FBXO9: variants seen among roughly 807,000 people sequenced by gnomAD.
FBXO9 encodes F-box only protein 9.
Under a neutral mutation model 63.7 loss-of-function variants are expected in FBXO9, and 43 were observed. The observed-to-expected ratio is 0.67, with a 90% CI of 0.53 to 0.87. The LOEUF is 0.87. Among genes scored for constraint, FBXO9 ranks in the 40% least tolerant of loss-of-function variants. The pLI is 0.00. For synonymous variants in FBXO9, 156 were observed against 171.7 expected (o/e 0.91, Z 0.72); for missense variants, 442 against 533.2 (o/e 0.83, Z 1.68).
chr6:53,068,839 G>A (rs774772502), intron 1 of FBXO9, among the ~76,000 whole-genome samples: 4 of 151,870 alleles, frequency 2.6e-5, no homozygotes, highest in African/African-American at 9.7e-5. Flanking sequence ...TTGTAGAGAC[G>A]GGGTCTTGCC....
rs980595769 is a variant in FBXO9 at position 53,069,897 on chromosome 6, T to A, written c.4-1160T>A. ...GTCATGAGTACTTAGGGATTAATTC[T>A]CTTTAAGTGTTTTTCTCATAAAAAG... On this transcript the variant is annotated intron_variant, in intron 1 of 12. Transcript: ENST00000323557. Among the ~76,000 whole-genome samples, 3 of 152,086 alleles carry A rather than the reference T, an allele frequency of 2.0e-5. No homozygotes were observed. The East Asian group carries it at 5.8e-4, about 29-fold the overall frequency.
chr6:53,078,791 T>C lies in FBXO9; in HGVS notation c.308-8T>C, dbSNP rs750676838. ...TCACAGCTAATTTAGCTTTATTTCT[T>C]CTTTTAGCCATCAAGTTTTATCGTA... On this transcript the variant is annotated splice_polypyrimidine_tract_variant and splice_region_variant and intron_variant, in intron 4 of 12. Coordinates refer to ENST00000323557, the MANE Select transcript of FBXO9 (RefSeq NM_033480.3). 5 of 1,601,254 alleles carry C rather than the reference T, an allele frequency of 3.1e-6. No homozygotes were observed. The South Asian group carries it at 3.3e-5, about 11-fold the overall frequency.
At chr6:53,092,396 A>T in intron 7 of FBXO9, 33 bp from the exon 8 acceptor site, 1 of 1,470,236 alleles carries the variant, frequency 6.8e-7, no homozygotes, top group South Asian at 1.1e-5. Context: ...ATAGGGACTT[A>T]GTTTTTATTG....
At position 53,093,487 on chromosome 6, in the gene FBXO9, T is replaced by A; in HGVS notation, c.885T>A (p.Asp295Glu). The change falls in exon 10 of 13, where the codon GAT (aspartate) becomes GAA (glutamate). Residue 295 changes from aspartate to glutamate, a missense_variant. Asp to Glu is a conservative substitution (Grantham distance 45). Around this residue, in one of 2 missense-constraint regions of FBXO9, gnomAD observed 262 missense variants for 362.1 expected, o/e 0.72. Coordinates refer to ENST00000323557, the MANE Select transcript of FBXO9 (RefSeq NM_033480.3). ...EYYRYIRFFP[D>E]GHVMMLTTPE... The stretch of plus-strand genomic sequence containing the variant: ...ATAGGTACATAAGATTCTTTCCTGA[T>A]GGCCATGTGATGATGTTGACAACCC... 3 of 1,613,644 alleles carry A rather than the reference T, an allele frequency of 1.9e-6. No individual in the cohort carries two copies. The highest frequency in any genetic ancestry group is 2.5e-6 in the Non-Finnish European group (3 of 1,179,648).
intron 7 of FBXO9, among the ~76,000 whole-genome samples, chr6:53,083,430 C>T (rs550781001): frequency 6.6e-6 from 1 of 152,252 alleles, no homozygotes; most frequent in African/African-American, 2.4e-5. Context: ...CTCTAAAAGA[C>T]ATTTATTTGA....
intron 1 of FBXO9, 145 bp from the exon 2 acceptor site, chr6:53,070,912 C>T: frequency 2.2e-6 from 3 of 1,339,350 alleles, no homozygotes; most frequent in African/African-American, 1.5e-5. Flanking sequence ...CTCAAGTGCC[C>T]CCTACAGCCT....
intron 6 of FBXO9, among the ~76,000 whole-genome samples, chr6:53,082,103 T>G (rs931922436): frequency 1.3e-5 from 2 of 152,174 alleles, no homozygotes; most frequent in African/African-American, 4.8e-5. Flanking sequence ...TTTAATATGT[T>G]AAATATTGTT....
At chr6:53,070,794 A>G in intron 1 of FBXO9, 2 of 413,304 alleles carry the variant, frequency 4.8e-6, no homozygotes, top group Non-Finnish European at 8.6e-6. Flanking sequence ...ACTGATGTTA[A>G]ATTTGGCGGG....
chr6:53,066,357 C>T (rs1350694009), intron 1 of FBXO9, among the ~76,000 whole-genome samples: 1 of 152,160 alleles, frequency 6.6e-6, no homozygotes, highest in East Asian at 1.9e-4. Flanking sequence ...TTGGAGGGTT[C>T]GTCTCCGCGG....
At chr6:53,078,640 T>C (rs1769201747) in intron 4 of FBXO9, among the ~76,000 whole-genome samples, 159 bp from the exon 5 acceptor site, 1 of 152,232 alleles carries the variant, frequency 6.6e-6, no homozygotes, top group Admixed American at 6.5e-5. Context: ...CATTAAGGTT[T>C]GGAAATAGTT....
intron 10 of FBXO9, 45 bp from the exon 11 acceptor site, chr6:53,093,840 C>A: frequency 7.2e-7 from 1 of 1,395,554 alleles, no homozygotes; most frequent in Non-Finnish European, 9.8e-7. Context: ...TTACTTAAAT[C>A]CACTTAATAA....
intron 7 of FBXO9, among the ~76,000 whole-genome samples, chr6:53,088,929 T>G (rs1762967684): frequency 6.7e-6 from 1 of 150,204 alleles, no homozygotes; most frequent in South Asian, 2.1e-4. Context: ...TTTCTTTGTT[T>G]TTTTTTTTTT....
At chr6:53,069,650 A>G (rs1768839125) in intron 1 of FBXO9, among the ~76,000 whole-genome samples, 1 of 152,258 alleles carries the variant, frequency 6.6e-6, no homozygotes. Flanking sequence ...TCTAGCTTCT[A>G]CAGAAAAACG....
chr6:53,071,612 G>A (rs1169400772), intron 2 of FBXO9, among the ~76,000 whole-genome samples: 1 of 152,122 alleles, frequency 6.6e-6, no homozygotes, highest in Non-Finnish European at 1.5e-5. Flanking sequence ...TAATACAAAT[G>A]GCCATTAAAT....
intron 4 of FBXO9, among the ~76,000 whole-genome samples, chr6:53,077,658 T>A (rs572490017): frequency 1.3e-5 from 2 of 152,344 alleles, no homozygotes; most frequent in South Asian, 4.1e-4. Context: ...AAAATCCTTG[T>A]GCTTGAATCG....
intron 9 of FBXO9, chr6:53,093,070 G>A (rs558927617): frequency 4.8e-6 from 2 of 415,166 alleles, no homozygotes; most frequent in African/African-American, 4.1e-5. Context: ...TTTTCAAATA[G>A]CTTGTGCTTT....
At chr6:53,083,556 T>A (rs375784454) in intron 7 of FBXO9, among the ~76,000 whole-genome samples, 3 of 152,368 alleles carry the variant, frequency 2.0e-5, no homozygotes, top group East Asian at 3.9e-4. Context: ...AATCCTTGAC[T>A]ACAAAGATCA....
In FBXO9 at chr6:53,092,037, C is replaced by T. The variant is rs144476714; in HGVS notation, c.654-392C>T. The T allele has an allele frequency of 3.0e-3, 543 of 182,624 alleles. 5 individuals are homozygous for T. Among genetic ancestry groups the T allele is most frequent in the African/African-American group, 0.012 (510 of 41,982 alleles). The allele number at this position is 182,624 out of a possible 1,614,324, so 11.3% of individuals were successfully genotyped here. On this transcript the variant is annotated intron_variant, in intron 7 of 12. Transcript: ENST00000323557. ...CCACAGCTGTGTGCTCCTGCTGGCT[C>T]TTGGATGAGCCCACCAGTCACACTT...
chr6:53,082,450 G>C (rs1302678861), intron 6 of FBXO9, 54 bp from the exon 7 acceptor site: 4 of 1,181,784 alleles, frequency 3.4e-6, no homozygotes, highest in Middle Eastern at 1.9e-4. Context: ...GAATGTAGTT[G>C]TGACAATAGA....
Sources: gnomAD v4.1 joint callset for allele counts (sites outside exome capture counted in the v4.1 genomes callset) on GRCh38, gnomAD v4.1.1 for gene constraint, gnomAD v4.1.1 regional missense constraint, MANE v1.5 for transcripts, NCBI Gene and HGNC (gene_info 2026-07-23, HGNC 2026-07-21) for gene names.